Variants in RBFOX3 observed in about 807,000 individuals in gnomAD.
RBFOX3 encodes the protein RNA binding fox-1 homolog 3.
Under a neutral mutation model 48.7 loss-of-function variants are expected in RBFOX3, and 17 were observed. That is an observed-to-expected ratio of 0.35 (90% CI 0.24 to 0.52). The LOEUF (loss-of-function observed/expected upper bound fraction) is 0.52, where lower values mean the gene tolerates loss of function less well. Ranked by LOEUF, RBFOX3 falls within the 20% of genes least tolerant of loss-of-function variation. The probability of loss-of-function intolerance (pLI) is 0.94; values close to 1 mark genes in which losing one functional copy is unlikely to be tolerated. For synonymous variants in RBFOX3, 212 were observed against 209.5 expected (o/e 1.01, Z -0.10); for missense variants, 382 against 497.5 (o/e 0.77, Z 2.21).
chr17:79,319,798 CTGTCTGGGCTGTTGGTCT>C (rs1568034663), intron 2 of RBFOX3, among the ~76,000 whole-genome samples: 4 of 127,784 alleles, frequency 3.1e-5, no homozygotes, highest in Non-Finnish European at 6.7e-5. Flanking sequence ...GCTGTTGGTC[CTGTCTGGGCTGTTGGTCT>C]TGTCCAGGCT....
the RBFOX3 span, among the ~76,000 whole-genome samples, chr17:79,627,984 C>G: frequency 6.6e-6 from 1 of 151,618 alleles, no homozygotes; most frequent in Non-Finnish European, 1.5e-5. Context: ...GGCTGCCTCT[C>G]TCTGCTGGCG....
intron 4 of RBFOX3, among the ~76,000 whole-genome samples, chr17:79,123,158 T>C (rs1418435661): frequency 3.3e-5 from 5 of 152,118 alleles, no homozygotes; most frequent in African/African-American, 4.8e-5. Context: ...TATAACAGGG[T>C]GACTATAGTC....
rs2057445083 is a variant in RBFOX3, at chr17:79,364,550, T to C, written c.-174-56726A>G. Among the ~76,000 whole-genome samples, 1 of 152,188 alleles carries C rather than the reference T, an allele frequency of 6.6e-6. No homozygotes were observed. The highest frequency in any genetic ancestry group is 1.5e-5 in the Non-Finnish European group (1 of 68,040). On this transcript the variant is annotated intron_variant, in intron 2 of 14. Transcript: ENST00000693108. The surrounding 1 kb of genome is among the most constrained non-coding windows in gnomAD (Gnocchi z 5.1). Reference sequence around the variant, plus strand: ...ATGAGTGTGTTGACTGCACAGACACTGCGTGCAGCTCTGGGGATGAAAAGA... The same window carrying C: ...ATGAGTGTGTTGACTGCACAGACACCGCGTGCAGCTCTGGGGATGAAAAGA...
At chr17:79,223,801 G>GC (rs1052100965) in intron 4 of RBFOX3, among the ~76,000 whole-genome samples, 9 of 152,116 alleles carry the variant, frequency 5.9e-5, no homozygotes, top group African/African-American at 1.7e-4. Flanking sequence ...GTGGCAGTGC[G>GC]CCCCCCCTAC....
chr17:79,547,201 C>T (rs1246146270), intron 1 of RBFOX3, among the ~76,000 whole-genome samples: 1 of 152,162 alleles, frequency 6.6e-6, no homozygotes, highest in Non-Finnish European at 1.5e-5. Context: ...TCACTCACGC[C>T]ACTTTTGGAG....
intron 3 of RBFOX3, among the ~76,000 whole-genome samples, chr17:79,266,290 CT>C (rs2066691090): frequency 6.6e-6 from 1 of 152,222 alleles, no homozygotes; most frequent in African/African-American, 2.4e-5. Flanking sequence ...ATTTCAGCCC[CT>C]TGAAGGGAAG....
rs1203557833 is a variant in RBFOX3 at position 79,092,967 on chromosome 17, C to T, written c.1077+1484G>A. Among the ~76,000 whole-genome samples, 101 of 152,250 alleles carry T rather than the reference C, an allele frequency of 6.6e-4. 1 individual carries two copies. Among genetic ancestry groups the T allele is most frequent in the African/African-American group, 2.4e-3 (99 of 41,534 alleles). On this transcript the variant is annotated intron_variant, in intron 14 of 14. Coordinates refer to ENST00000693108, the MANE Select transcript of RBFOX3 (RefSeq NM_001350451.2). ...ACTGTCCTTATGCAGAGGGGGGGTC[C>T]CAGCTTGAGCCCCACCTCCTCGCAC...
chr17:79,101,916 AC>A (rs956580251), intron 8 of RBFOX3, among the ~76,000 whole-genome samples: 1 of 152,122 alleles, frequency 6.6e-6, no homozygotes, highest in African/African-American at 2.4e-5. Context: ...GCTCCCAGGC[AC>A]CCCAGGACAG....
chr17:79,196,300 AAAGTGGGGCCCGCTCCAG>A, intron 4 of RBFOX3, among the ~76,000 whole-genome samples: 1 of 152,126 alleles, frequency 6.6e-6, no homozygotes, highest in Non-Finnish European at 1.5e-5. Context: ...CCTCCAGCAG[AAAGTGGGGCCCGCTCCAG>A]CCTGGGAGTC....
rs2057514583 is a variant in RBFOX3, at chr17:79,364,979, C to T, written c.-174-57155G>A. Among the ~76,000 whole-genome samples, 1 of 152,142 alleles carries T rather than the reference C, an allele frequency of 6.6e-6. No individual in the cohort carries two copies. Among genetic ancestry groups the T allele is most frequent in the Admixed American group, 6.5e-5 (1 of 15,290 alleles). On this transcript the variant is annotated intron_variant, in intron 2 of 14. Transcript: ENST00000693108. The surrounding 1 kb of genome is among the most constrained non-coding windows in gnomAD (Gnocchi z 5.1). ...GCAGTCAGCCCAAGGCTCAGAAAGG[C>T]AGCATCCAAGCAAAGGGCAGGATGC... is the stretch of plus-strand genomic sequence containing the variant.
rs988888029 is a variant in RBFOX3, at chr17:79,265,557, C to T, written c.-73-29752G>A. Among the ~76,000 whole-genome samples the T allele has an allele frequency of 2.6e-5, 4 of 152,274 alleles. No individual in the cohort carries two copies. The East Asian group carries it at 7.7e-4, about 29-fold the overall frequency. ...CTGGAGAGTTAGAGAGTCTGATTTC[C>T]TTTTAGATATGTGTAGCAGTTTGAC... is the stretch of plus-strand genomic sequence containing the variant. On this transcript the variant is annotated intron_variant, in intron 3 of 14. Coordinates refer to ENST00000693108, the MANE Select transcript of RBFOX3 (RefSeq NM_001350451.2).
At chr17:79,463,663 C>T (rs565230862) in intron 2 of RBFOX3, among the ~76,000 whole-genome samples, 14 of 136,782 alleles carry the variant, frequency 1.0e-4, no homozygotes, top group Non-Finnish European at 1.5e-4. Flanking sequence ...CCATCGCCAC[C>T]GCCACCTCCA....
intron 4 of RBFOX3, among the ~76,000 whole-genome samples, chr17:79,189,040 T>C (rs1287077320): frequency 6.6e-6 from 1 of 152,268 alleles, no homozygotes; most frequent in Admixed American, 6.5e-5. Context: ...GGCACTTTGA[T>C]TTCTGTCTCT....
chr17:79,521,858 C>T (rs2086156754), intron 1 of RBFOX3, among the ~76,000 whole-genome samples: 1 of 152,172 alleles, frequency 6.6e-6, no homozygotes, highest in South Asian at 2.1e-4. Context: ...AATTTTATCT[C>T]GGCTCATTCA....
intron 2 of RBFOX3, among the ~76,000 whole-genome samples, chr17:79,394,827 C>G (rs1820088911): frequency 6.6e-6 from 1 of 152,232 alleles, no homozygotes; most frequent in South Asian, 2.1e-4. Context: ...GTCCCGGGCC[C>G]TCGCTACATG....
chr17:79,159,617 A>G (rs1197636324), intron 4 of RBFOX3, among the ~76,000 whole-genome samples: 1 of 151,944 alleles, frequency 6.6e-6, no homozygotes, highest in Non-Finnish European at 1.5e-5. Context: ...CCACTCACAC[A>G]CTCAGAGTTC....
intron 3 of RBFOX3, among the ~76,000 whole-genome samples, chr17:79,256,218 T>C (rs188142394): frequency 2.0e-5 from 3 of 152,166 alleles, no homozygotes; most frequent in African/African-American, 4.8e-5. Flanking sequence ...CTCTGCTCCT[T>C]CCTGCAGGGA....
At chr17:79,318,706 T>TTAGCTGAG (rs1193655318) in intron 2 of RBFOX3, among the ~76,000 whole-genome samples, 70 of 151,468 alleles carry the variant, frequency 4.6e-4, no homozygotes, top group African/African-American at 1.7e-3. Context: ...TACAAAAAAA[T>TTAGCTGAG]TAGCTGAGTG....
intron 1 of RBFOX3, among the ~76,000 whole-genome samples, chr17:79,491,350 G>A (rs1368663294): frequency 6.6e-6 from 1 of 151,888 alleles, no homozygotes; most frequent in Non-Finnish European, 1.5e-5. Flanking sequence ...CCATGCCAAG[G>A]ACTTTAAAAA....
Sources: allele counts gnomAD v4.1 joint callset (sites outside exome capture counted in the v4.1 genomes callset), GRCh38; gene constraint gnomAD v4.1.1; non-coding constraint Gnocchi (gnomAD v3.1); transcripts MANE v1.5; gene names NCBI Gene and HGNC (gene_info 2026-07-23, HGNC 2026-07-21).